The following RBFOX1 variants were observed in gnomAD, a reference collection of about 807,000 sequenced individuals.
RBFOX1 encodes RNA binding protein fox-1 homolog 1.
A neutral mutation model predicts 57.7 loss-of-function variants in RBFOX1; 8 were observed. The observed-to-expected ratio is 0.14, with a 90% CI of 0.08 to 0.25. The LOEUF (loss-of-function observed/expected upper bound fraction) is 0.25. RBFOX1 is among the 10% of genes least tolerant of loss of function. The pLI, the probability that RBFOX1 is intolerant of heterozygous loss-of-function variation, is 1.00. For synonymous variants in RBFOX1, 326 were observed against 222.4 expected, an observed-to-expected ratio of 1.47 and a Z score of -4.15; for missense variants, 611 against 548.5, an observed-to-expected ratio of 1.11 and a Z score of -1.14.
At chr16:6,293,041 C>T (rs11861524) in intron 1 of RBFOX1, among the ~76,000 whole-genome samples, 3,133 of 152,248 alleles carry the variant, frequency 0.021, 117 homozygotes, top group African/African-American at 0.071. Flanking sequence ...GGAATGTCTA[C>T]CCCCTTTAGC....
intron 2 of RBFOX1, among the ~76,000 whole-genome samples, chr16:6,433,793 C>G (rs1374013398): frequency 6.6e-6 from 1 of 151,832 alleles, no homozygotes; most frequent in Non-Finnish European, 1.5e-5. Context: ...ACTCCAACCT[C>G]TGCTCCATCA....
intron 2 of RBFOX1, among the ~76,000 whole-genome samples, chr16:6,377,044 G>C (rs116942959): frequency 0.015 from 2,219 of 152,064 alleles, 30 homozygotes; most frequent in Middle Eastern, 0.054. Context: ...GGCTGAGGCA[G>C]GTGGATCACT....
intron 4 of RBFOX1, among the ~76,000 whole-genome samples, chr16:5,995,161 C>T (rs1482982171): frequency 6.6e-6 from 1 of 152,212 alleles, no homozygotes; most frequent in Non-Finnish European, 1.5e-5. Context: ...AAACAACTTT[C>T]CACATAATTA....
chr16:7,003,402 C>G (rs917312412), intron 3 of RBFOX1, among the ~76,000 whole-genome samples: 1 of 151,026 alleles, frequency 6.6e-6, no homozygotes, highest in Non-Finnish European at 1.5e-5. Context: ...GGAGGTTGCA[C>G]TGAGCAGAGA....
intron 1 of RBFOX1, among the ~76,000 whole-genome samples, chr16:5,391,890 T>C (rs1177377906): frequency 2.0e-5 from 3 of 147,186 alleles, no homozygotes; most frequent in Non-Finnish European, 3.0e-5. Flanking sequence ...TGTGTGTGTA[T>C]ACACACACAC....
At chr16:7,121,335 A>G (rs2067138353) in intron 4 of RBFOX1, among the ~76,000 whole-genome samples, 1 of 152,154 alleles carries the variant, frequency 6.6e-6, no homozygotes. Flanking sequence ...CTTTAATCAC[A>G]GATAATAGAA....
At chr16:6,099,943 T>C (rs775343894) in intron 1 of RBFOX1, among the ~76,000 whole-genome samples, 1 of 152,200 alleles carries the variant, frequency 6.6e-6, no homozygotes, top group Non-Finnish European at 1.5e-5. Context: ...TCATCATCTT[T>C]ACAAGAAGGT....
chr16:5,677,076 G>T (rs1053442757), intron 3 of RBFOX1, among the ~76,000 whole-genome samples: 1 of 152,144 alleles, frequency 6.6e-6, no homozygotes, highest in African/African-American at 2.4e-5. Flanking sequence ...TCCCAGGCTG[G>T]TGGGAAGTTC....
intron 2 of RBFOX1, among the ~76,000 whole-genome samples, chr16:5,567,221 G>A (rs1023612666): frequency 6.6e-6 from 1 of 152,214 alleles, no homozygotes; most frequent in Non-Finnish European, 1.5e-5. Context: ...TGGCCTTGCA[G>A]ACATGTGGGA....
chr16:7,069,650 G>A (rs1422767001), intron 4 of RBFOX1, among the ~76,000 whole-genome samples: 1 of 152,168 alleles, frequency 6.6e-6, no homozygotes, highest in East Asian at 1.9e-4. Flanking sequence ...GCACTCAACT[G>A]AGGATAAATG....
intron 4 of RBFOX1, among the ~76,000 whole-genome samples, chr16:7,408,192 C>G (rs9302844): frequency 0.083 from 12,628 of 152,144 alleles, 664 homozygotes; most frequent in African/African-American, 0.15. Context: ...GAACGTCTTA[C>G]TGCAAATAAT....
chr16:7,254,548 C>G (rs189372570), intron 4 of RBFOX1, among the ~76,000 whole-genome samples: 2 of 151,620 alleles, frequency 1.3e-5, no homozygotes, highest in Non-Finnish European at 2.9e-5. Context: ...TATTATTTCT[C>G]TAACTGTACC....
intron 1 of RBFOX1, chr16:5,467,158 G>A: frequency 6.4e-6 from 9 of 1,397,388 alleles, no homozygotes; most frequent in Non-Finnish European, 8.6e-6. Flanking sequence ...TTGTTTCAAT[G>A]TAGACTCAAT....
intron 3 of RBFOX1, among the ~76,000 whole-genome samples, chr16:5,778,336 C>G (rs769962343): frequency 3.9e-5 from 6 of 152,216 alleles, no homozygotes; most frequent in Non-Finnish European, 7.3e-5. Context: ...TCCCTACCAT[C>G]TTGCAAGACA....
chr16:5,460,259 C>T (rs1567544310), intron 1 of RBFOX1, among the ~76,000 whole-genome samples: 1 of 152,204 alleles, frequency 6.6e-6, no homozygotes, highest in Non-Finnish European at 1.5e-5. Flanking sequence ...TTTTGCAACC[C>T]TCAGACCTTT....
chr16:6,666,313 C>T (rs1185988786), intron 3 of RBFOX1, among the ~76,000 whole-genome samples: 2 of 152,258 alleles, frequency 1.3e-5, no homozygotes, highest in African/African-American at 4.8e-5. Flanking sequence ...GCGGGCGGAT[C>T]ACCTGAGGTC....
At chr16:5,261,231 G>A (rs192413472) in intron 1 of RBFOX1, among the ~76,000 whole-genome samples, 1 of 152,250 alleles carries the variant, frequency 6.6e-6, no homozygotes, top group East Asian at 1.9e-4. Flanking sequence ...TGTTAAGGTT[G>A]ACCACCTTTT....
At chr16:7,472,862 G>A (rs2150973799) in intron 4 of RBFOX1, among the ~76,000 whole-genome samples, 2 of 152,324 alleles carry the variant, frequency 1.3e-5, no homozygotes, top group East Asian at 1.9e-4. Context: ...TCATGGAAAT[G>A]TGGGATTTCT....
chr16:6,636,695 T>C (rs2098436458), intron 2 of RBFOX1, among the ~76,000 whole-genome samples: 2 of 147,978 alleles, frequency 1.4e-5, no homozygotes. Context: ...TATATTCTAT[T>C]TGATTGTGTG....
Sources: allele counts gnomAD v4.1 joint callset (sites outside exome capture counted in the v4.1 genomes callset), GRCh38; gene constraint gnomAD v4.1.1; transcripts MANE v1.5; gene names NCBI Gene and HGNC (gene_info 2026-07-23, HGNC 2026-07-21).